Variants in PYHIN1 observed in about 807,000 individuals in gnomAD.
PYHIN1 encodes the protein pyrin and HIN domain-containing protein 1.
A neutral mutation model predicts 43.7 loss-of-function variants in PYHIN1; 32 were observed. That is an observed-to-expected ratio of 0.73 (90% CI 0.55 to 0.98). The LOEUF (loss-of-function observed/expected upper bound fraction) is 0.98, where lower values mean the gene tolerates loss of function less well. Ranked by LOEUF, PYHIN1 falls within the 50% of genes least tolerant of loss-of-function variation. PYHIN1 has a pLI of 0.00. For missense variants in PYHIN1, 588 were observed against 589.5 expected (o/e 1.00, Z 0.03); for synonymous variants, 205 against 203.1 (o/e 1.01, Z -0.08).
At chr1:158,942,820 T>G (rs570161402) in intron 5 of PYHIN1, among the ~76,000 whole-genome samples, 31 of 152,192 alleles carry the variant, frequency 2.0e-4, no homozygotes, top group Non-Finnish European at 4.0e-4. Flanking sequence ...TGAGTTCCAG[T>G]TTTGACAATC....
chr1:158,942,125 T>G lies in PYHIN1; in HGVS notation c.728T>G (p.Val243Gly). 1 of 1,614,138 alleles carries G rather than the reference T, an allele frequency of 6.2e-7. No homozygotes were observed. The change falls in exon 5 of 9, where the codon GTG becomes GGG. Residue 243 changes from valine to glycine, a missense_variant. Transcript: ENST00000368140. ...CAAAGAAGAATGTTTCATGCTACAG[T>G]GGCTACGCAGACACAGTTCTTTCAT... ...NEQRRMFHAT[V>G]ATQTQFFHVK... is the part of the protein sequence containing the mutation.
At chr1:158,944,607 ATC>A (rs1649118178) in intron 6 of PYHIN1, among the ~76,000 whole-genome samples, 1 of 152,230 alleles carries the variant, frequency 6.6e-6, no homozygotes, top group African/African-American at 2.4e-5. Flanking sequence ...CCCTTTTCTC[ATC>A]TGTCTTATGC....
intron 4 of PYHIN1, among the ~76,000 whole-genome samples, chr1:158,941,004 T>C (rs1648879462): frequency 1.3e-5 from 2 of 152,238 alleles, no homozygotes; most frequent in Admixed American, 1.3e-4. Flanking sequence ...AATATTCTCA[T>C]GGATGGATCT....
rs1437946304 is a variant in PYHIN1, at chr1:158,957,786, A to G, written c.1359+12744A>G. Among the ~76,000 whole-genome samples, 6 of 146,772 alleles carry G rather than the reference A, an allele frequency of 4.1e-5. No homozygotes were observed. The East Asian group carries it at 1.2e-3, about 29-fold the overall frequency. On this transcript the variant is annotated intron_variant, in intron 7 of 8. Transcript: ENST00000368140. ...TAATTAAACTAAAGAGCTTCTGCAC[A>G]GCAAAAGAAACTACCATCAGAGTGA... is the stretch of plus-strand genomic sequence containing the variant.
At chr1:158,963,848 T>C (rs1324832101) in intron 7 of PYHIN1, among the ~76,000 whole-genome samples, 2 of 152,154 alleles carry the variant, frequency 1.3e-5, no homozygotes, top group African/African-American at 2.4e-5. Context: ...CTCCAAAAGA[T>C]TGCACTAGTT....
chr1:158,979,605 T>A (rs1391572622), downstream of PYHIN1, among the ~76,000 whole-genome samples: 2 of 152,210 alleles, frequency 1.3e-5, no homozygotes, highest in Non-Finnish European at 2.9e-5. Flanking sequence ...TCACATCTTG[T>A]CTATTTTGAA....
At chr1:158,939,753 T>A (rs1648799588) in intron 4 of PYHIN1, 1 of 543,736 alleles carries the variant, frequency 1.8e-6, no homozygotes, top group Non-Finnish European at 3.3e-6. Flanking sequence ...GTGTTCTGTT[T>A]CCTAGGAACT....
chr1:158,967,804 C>G (rs994861180), intron 7 of PYHIN1, among the ~76,000 whole-genome samples: 6 of 151,882 alleles, frequency 4.0e-5, no homozygotes, highest in Non-Finnish European at 8.8e-5. Flanking sequence ...CCTACAATCA[C>G]TGGATCTTTG....
chr1:158,976,894 A>AC lies in PYHIN1; in HGVS notation c.*199_*200insC, dbSNP rs1651306278. The AC allele has an allele frequency of 1.9e-4, 3 of 15,470 alleles. No homozygotes were observed. The highest frequency in any genetic ancestry group is 1.2e-3 in the Non-Finnish European group (3 of 2,506). The allele number at this position is 15,470 out of a possible 1,614,324, so 1.0% of individuals were successfully genotyped here. On this transcript the variant is annotated 3_prime_UTR_variant, in exon 9 of 9. Coordinates refer to ENST00000368140, the MANE Select transcript of PYHIN1 (RefSeq NM_152501.5). ...TATATATATATATATATATATATATATATATATATATATATATATATACCA... is the reference window on the plus strand; with the variant it reads ...TATATATATATATATATATATATATACTATATATATATATATATATATACCA...
chr1:158,952,109 T>G (rs779713791), intron 7 of PYHIN1, among the ~76,000 whole-genome samples: 474 of 19,094 alleles, frequency 0.025, 1 homozygote, highest in Non-Finnish European at 0.18. Context: ...CCTGTGTCGG[T>G]TTTTTTTTTT....
At chr1:158,981,676 T>C (rs974815543), downstream of PYHIN1, among the ~76,000 whole-genome samples, 22 of 152,190 alleles carry the variant, frequency 1.4e-4, no homozygotes, top group African/African-American at 5.1e-4. Flanking sequence ...TCAGGATCAC[T>C]GGCTAGCTGT....
chr1:158,980,829 G>C (rs1651459019), downstream of PYHIN1, among the ~76,000 whole-genome samples: 1 of 152,034 alleles, frequency 6.6e-6, no homozygotes, highest in Non-Finnish European at 1.5e-5. Flanking sequence ...TAGTGGTTCT[G>C]CTTTTTGCCC....
chr1:158,947,699 T>A (rs930455021), intron 7 of PYHIN1, among the ~76,000 whole-genome samples: 12 of 151,886 alleles, frequency 7.9e-5, no homozygotes, highest in Non-Finnish European at 4.4e-5. Context: ...AGCCACAGCC[T>A]CCACTAGCCA....
At chr1:158,932,161 T>A (rs1317860651) in intron 1 of PYHIN1, among the ~76,000 whole-genome samples, 2 of 152,178 alleles carry the variant, frequency 1.3e-5, no homozygotes, top group Non-Finnish European at 2.9e-5. Context: ...TGTATATGCA[T>A]AACATGGATA....
At chr1:158,946,547 TTAGATAGA>T (rs4053507) in intron 7 of PYHIN1, among the ~76,000 whole-genome samples, 10,798 of 148,476 alleles carry the variant, frequency 0.073, 470 homozygotes, top group Non-Finnish European at 0.077. Flanking sequence ...AGCACAGTGA[TTAGATAGA>T]TAGATAGATA....
intron 7 of PYHIN1, among the ~76,000 whole-genome samples, chr1:158,963,187 G>A (rs1650426197): frequency 6.6e-6 from 1 of 152,150 alleles, no homozygotes; most frequent in Non-Finnish European, 1.5e-5. Context: ...TGCTGCAGTG[G>A]TACTGCCCTG....
At chr1:158,983,737 G>A in the PYHIN1 span, among the ~76,000 whole-genome samples, 1 of 152,044 alleles carries the variant, frequency 6.6e-6, no homozygotes, top group East Asian at 1.9e-4. Flanking sequence ...TTATCTATCA[G>A]GTAGAATTCA....
At chr1:158,944,810 T>C in intron 6 of PYHIN1, 65 bp from the exon 7 acceptor site, 1 of 1,204,468 alleles carries the variant, frequency 8.3e-7, no homozygotes, top group Non-Finnish European at 1.1e-6. Flanking sequence ...TATTCTCACA[T>C]ATTTAAAGAT....
chr1:158,965,078 A>T (rs1245071402), intron 7 of PYHIN1, among the ~76,000 whole-genome samples: 2 of 152,186 alleles, frequency 1.3e-5, no homozygotes, highest in African/African-American at 4.8e-5. Context: ...AAAAAAAAAC[A>T]GAGGGTGCCA....
Sources: allele counts gnomAD v4.1 joint callset (sites outside exome capture counted in the v4.1 genomes callset), GRCh38; gene constraint gnomAD v4.1.1; transcripts MANE v1.5; gene names NCBI Gene and HGNC (gene_info 2026-07-23, HGNC 2026-07-21).